The following TBCD variants were observed in gnomAD, a reference collection of about 807,000 sequenced individuals.
TBCD encodes the protein tubulin-specific chaperone D.
Under a neutral mutation model 169.3 loss-of-function variants are expected in TBCD, and 105 were observed. That is an observed-to-expected ratio of 0.62 (90% confidence interval 0.53 to 0.73). The LOEUF is 0.73. Among genes scored for constraint, TBCD ranks in the 30% least tolerant of loss-of-function variants. The probability of loss-of-function intolerance (pLI) is 0.00; values close to 1 mark genes in which losing one functional copy is unlikely to be tolerated. For synonymous variants in TBCD, 700 were observed against 643.9 expected (o/e 1.09, Z -1.32); for missense variants, 1,444 against 1,600.1 (o/e 0.90, Z 1.66).
At position 82,923,574 on chromosome 17, in the gene TBCD, G is replaced by C. The variant is rs78390481; in HGVS notation, c.2179-78G>C. On this transcript the variant is annotated intron_variant, in intron 25 of 38. Coordinates refer to ENST00000355528, the MANE Select transcript of TBCD (RefSeq NM_005993.5). The surrounding 1 kb of genome is among the most constrained non-coding windows in gnomAD (Gnocchi z 4.6). ...CTGGTCAGGTGCTTCTCCGACTTCA[G>C]AGTGACCTGCTCTGTCCCTGGCCGG... 3.7e-3 allele frequency: 4,598 copies of C among 1,234,514 alleles called. 147 individuals carry two copies. The African/African-American group carries it at 0.06, about 16-fold the overall frequency. The allele number at this position is 1,234,514 out of a possible 1,614,324, so 76.5% of individuals were successfully genotyped here. A position where few individuals can be genotyped will look rare whatever the true frequency, so the allele number is the denominator to read the frequency against.
intron 13 of TBCD, among the ~76,000 whole-genome samples, chr17:82,842,932 C>T (rs1048694472): frequency 6.5e-4 from 99 of 152,104 alleles, no homozygotes; most frequent in African/African-American, 1.9e-3. Context: ...AGGCGCCCTC[C>T]ACCACGTCCG....
chr17:82,778,885 C>T (rs2048764274), intron 6 of TBCD, among the ~76,000 whole-genome samples: 1 of 152,208 alleles, frequency 6.6e-6, no homozygotes, highest in African/African-American at 2.4e-5. Context: ...TGGTCTCAAA[C>T]TCCTGACCTC....
chr17:82,887,172 C>CGCGCGT (rs1297227994), intron 15 of TBCD, among the ~76,000 whole-genome samples: 5 of 46,450 alleles, frequency 1.1e-4, no homozygotes, highest in Non-Finnish European at 2.1e-4. Flanking sequence ...TGTGTGTGCG[C>CGCGCGT]GCGCGCGCAC....
Position 82,789,437 on chromosome 17 carries a change from G to A in TBCD, c.771+7716G>A, listed in dbSNP as rs946831889. Among the ~76,000 whole-genome samples, 5 of 152,220 alleles carry A rather than the reference G, an allele frequency of 3.3e-5. No individual in the cohort carries two copies. The highest frequency in any genetic ancestry group is 1.9e-4 in the East Asian group (1 of 5,194). ...GTGCTAGACGGGGAGGGGGCTTGGC[G>A]GGTCACCAGCCTCACCCCGCTCAGT... On this transcript the variant is annotated intron_variant, in intron 7 of 38. Coordinates refer to ENST00000355528, the MANE Select transcript of TBCD (RefSeq NM_005993.5). This position sits in a 1 kb window ranked among gnomAD's most constrained non-coding sequence, Gnocchi z 4.8.
chr17:82,917,721 T>G (rs527547802), intron 23 of TBCD, among the ~76,000 whole-genome samples: 1 of 152,362 alleles, frequency 6.6e-6, no homozygotes, highest in East Asian at 1.9e-4. Flanking sequence ...CTAGGTGTGG[T>G]CCTCTGGGTT....
chr17:82,884,412 A>C lies in TBCD; in HGVS notation c.1533+210A>C, dbSNP rs1442531316. On this transcript the variant is annotated intron_variant, in intron 15 of 38. Transcript: ENST00000355528. The surrounding 1 kb of genome is among the most constrained non-coding windows in gnomAD (Gnocchi z 4.2). The stretch of plus-strand genomic sequence containing the variant: ...GTGTGAAGGGCGGTCAGGGTTAAGC[A>C]TCCCCAGAGCTGCAGCCATCACTGC... Among the ~76,000 whole-genome samples, 2 of 152,154 alleles carry C rather than the reference A, an allele frequency of 1.3e-5. No individual in the cohort carries two copies. The highest frequency in any genetic ancestry group is 4.8e-5 in the African/African-American group (2 of 41,436).
chr17:82,791,749 T>C (rs543695789), intron 7 of TBCD, among the ~76,000 whole-genome samples: 1 of 152,314 alleles, frequency 6.6e-6, no homozygotes, highest in Admixed American at 6.5e-5. Flanking sequence ...CATGAAACAG[T>C]CATGCGTCCC....
chr17:82,839,565 T>C (rs1008036719), intron 13 of TBCD, among the ~76,000 whole-genome samples: 5 of 152,194 alleles, frequency 3.3e-5, no homozygotes, highest in Non-Finnish European at 7.3e-5. Context: ...ACACCACACA[T>C]ATATATATGA....
At chr17:82,815,012 C>G in intron 13 of TBCD, 78 bp downstream of exon 13, 1 of 1,586,380 alleles carries the variant, frequency 6.3e-7, no homozygotes, top group South Asian at 1.1e-5. Context: ...GCTGCCATCT[C>G]GACTCGTGGA....
In TBCD at chr17:82,806,864, G is replaced by T. The variant is rs2051003859; in HGVS notation, c.1088-744G>T. On this transcript the variant is annotated intron_variant, in intron 10 of 38. Transcript: ENST00000355528. This position sits in a 1 kb window ranked among gnomAD's most constrained non-coding sequence, Gnocchi z 5.1. ...AGCCCTCCCTGGTTGCGTGGTAGGC[G>T]CCCGCATCTGTGCTGGGCGGCTCTG... 6.6e-6 allele frequency among the ~76,000 whole-genome samples: 1 copy of T among 152,126 alleles called. No individual in the cohort carries two copies. The highest frequency in any genetic ancestry group is 6.5e-5 in the Admixed American group (1 of 15,286).
intron 13 of TBCD, among the ~76,000 whole-genome samples, chr17:82,840,773 C>CTTGCTTGCT (rs1373558473): frequency 6.6e-6 from 1 of 152,092 alleles, no homozygotes; most frequent in African/African-American, 2.4e-5. Context: ...ACCAAAACTG[C>CTTGCTTGCT]TTGCTTGCTT....
intron 17 of TBCD, 121 bp from the exon 18 acceptor site, chr17:82,900,530 C>A: frequency 1.4e-6 from 1 of 738,452 alleles, no homozygotes; most frequent in Non-Finnish European, 2.4e-6. Flanking sequence ...GGCTGGATCA[C>A]GTGGTAGATT....
At chr17:82,935,951 A>G (rs1283234402) in intron 34 of TBCD, among the ~76,000 whole-genome samples, 1 of 152,164 alleles carries the variant, frequency 6.6e-6, no homozygotes, top group Admixed American at 6.5e-5. Flanking sequence ...GATTATTTTC[A>G]GAGGGTATAT....
chr17:82,940,211 T>A (rs1227025291), intron 37 of TBCD, among the ~76,000 whole-genome samples: 33 of 115,862 alleles, frequency 2.8e-4, no homozygotes, highest in Non-Finnish European at 2.5e-4. Context: ...ACATGCTCAC[T>A]TGCACGCGCG....
At chr17:82,854,270 A>G (rs892845491) in intron 13 of TBCD, among the ~76,000 whole-genome samples, 6 of 152,218 alleles carry the variant, frequency 3.9e-5, no homozygotes, top group African/African-American at 1.4e-4. Context: ...ACACAGGTAA[A>G]CAACACACAG....
chr17:82,892,690 G>A (rs1356464993), intron 16 of TBCD, among the ~76,000 whole-genome samples: 3 of 152,236 alleles, frequency 2.0e-5, no homozygotes, highest in Non-Finnish European at 2.9e-5. Flanking sequence ...TCTGAATCCC[G>A]GCCTCGGAGG....
At chr17:82,898,462 T>C (rs1187250932) in intron 17 of TBCD, among the ~76,000 whole-genome samples, 1 of 151,930 alleles carries the variant, frequency 6.6e-6, no homozygotes, top group Non-Finnish European at 1.5e-5. Flanking sequence ...AGAGGCTTCG[T>C]TTTCTTTTCC....
intron 7 of TBCD, among the ~76,000 whole-genome samples, chr17:82,787,655 A>G (rs569603408): frequency 6.6e-6 from 1 of 152,256 alleles, no homozygotes; most frequent in South Asian, 2.1e-4. Flanking sequence ...GTTTCCTTTG[A>G]TGCACTTGGC....
intron 7 of TBCD, chr17:82,795,548 A>T: frequency 1.0e-6 from 1 of 985,584 alleles, no homozygotes; most frequent in Non-Finnish European, 1.2e-6. Flanking sequence ...CTGCTGTTGG[A>T]ATCTGGTCAT....
Sources: gnomAD v4.1 joint callset for allele counts (sites outside exome capture counted in the v4.1 genomes callset) on GRCh38, gnomAD v4.1.1 for gene constraint, Gnocchi (gnomAD v3.1) non-coding constraint, MANE v1.5 for transcripts, NCBI Gene and HGNC (gene_info 2026-07-23, HGNC 2026-07-21) for gene names.